The following TMEM87B variants were observed in gnomAD, a reference collection of about 807,000 sequenced individuals.
TMEM87B encodes transmembrane protein 87B.
In TMEM87B, 83 loss-of-function variants were observed where a neutral mutation model predicts 80.3. That is an observed-to-expected ratio of 1.03 (90% confidence interval 0.87 to 1.24). The LOEUF (loss-of-function observed/expected upper bound fraction) is 1.24. Ranked by LOEUF, TMEM87B falls within the 50% of genes most tolerant of loss-of-function variation. The probability of loss-of-function intolerance (pLI) is 0.00; values close to 1 mark genes in which losing one functional copy is unlikely to be tolerated. For synonymous variants in TMEM87B, 219 were observed against 230.5 expected (o/e 0.95, Z 0.45); for missense variants, 625 against 674.4 (o/e 0.93, Z 0.81).
At chr2:112,109,727 G>T (rs1573729942) in intron 17 of TMEM87B, among the ~76,000 whole-genome samples, 1 of 71,676 alleles carries the variant, frequency 1.4e-5, no homozygotes, top group South Asian at 5.5e-4. Context: ...TCAGATCCAT[G>T]TCCCATGGTC....
intron 2 of TMEM87B, among the ~76,000 whole-genome samples, chr2:112,060,753 C>T (rs1443883687): frequency 1.3e-5 from 2 of 151,916 alleles, no homozygotes; most frequent in African/African-American, 2.4e-5. Context: ...GCCAGGCTGG[C>T]CTCCAACTCT....
At chr2:112,077,645 C>T (rs1212933169) in intron 6 of TMEM87B, among the ~76,000 whole-genome samples, 1 of 152,080 alleles carries the variant, frequency 6.6e-6, no homozygotes, top group Non-Finnish European at 1.5e-5. Context: ...TTGAAAATGG[C>T]CATCATCAGG....
intron 11 of TMEM87B, among the ~76,000 whole-genome samples, chr2:112,096,753 A>G (rs1679479541): frequency 6.6e-6 from 1 of 152,254 alleles, no homozygotes; most frequent in Non-Finnish European, 1.5e-5. Context: ...GCACTGCTCT[A>G]TCCCGTGTTG....
At chr2:112,104,890 C>A (rs1231087475) in intron 15 of TMEM87B, among the ~76,000 whole-genome samples, 2 of 152,042 alleles carry the variant, frequency 1.3e-5, no homozygotes, top group Non-Finnish European at 2.9e-5. Context: ...TAAAAAGTAA[C>A]CAACACTCTA....
Position 112,087,581 on chromosome 2 carries a change from AC to A in TMEM87B, c.938+1478del, listed in dbSNP as rs1231259991. On this transcript the variant is annotated intron_variant, in intron 9 of 18. Coordinates refer to ENST00000283206, the MANE Select transcript of TMEM87B (RefSeq NM_032824.3). ...ACGGGCCACCCCTGCCTTTGTGCCC[AC>A]TCAACTGTGAGGGAAACTGTCCTAG... 2.0e-5 allele frequency among the ~76,000 whole-genome samples: 3 copies of A among 151,568 alleles called. No homozygotes were observed. The South Asian group carries it at 6.3e-4, about 32-fold the overall frequency.
Position 112,055,639 on chromosome 2 carries a change from C to G in TMEM87B, c.48C>G (p.Arg16=). Residue 16 remains arginine (R), a synonymous_variant, in exon 1 of 19, where the codon CGC becomes CGG. Transcript: ENST00000283206. ...TAGCCGGGCTCCTGCCACGCCGCCG[C>G]CGCTGCTTTCCCGCCCGGGCCCCGC... ...RSVAGLLPRR[R]RCFPARAPLL... The G allele has an allele frequency of 6.4e-7, 1 of 1,558,148 alleles. No individual in the cohort carries two copies. The highest frequency in any genetic ancestry group is 8.7e-7 in the Non-Finnish European group (1 of 1,154,482).
intron 4 of TMEM87B, among the ~76,000 whole-genome samples, chr2:112,068,978 G>A (rs1678530078): frequency 6.6e-6 from 1 of 151,258 alleles, no homozygotes; most frequent in Admixed American, 6.6e-5. Flanking sequence ...GGATCTTGAG[G>A]TCAGGAGATC....
At chr2:112,088,875 C>A (rs1451762024) in intron 9 of TMEM87B, among the ~76,000 whole-genome samples, 1 of 152,134 alleles carries the variant, frequency 6.6e-6, no homozygotes, top group African/African-American at 2.4e-5. Context: ...TCTCGTGCCT[C>A]AACCTCCCAA....
At position 112,067,402 on chromosome 2, in the gene TMEM87B, G is replaced by A. The variant is rs577834678; in HGVS notation, c.450+335G>A. ...GTGGGTGGATCACCTGTGGTCAGGA[G>A]TTTGAGACCAGCCTGGTGAAACCCC... On this transcript the variant is annotated intron_variant, in intron 4 of 18. Coordinates refer to ENST00000283206, the MANE Select transcript of TMEM87B (RefSeq NM_032824.3). Among the ~76,000 whole-genome samples the A allele has an allele frequency of 1.3e-5, 2 of 152,262 alleles. 1 individual carries two copies. Among genetic ancestry groups the A allele is most frequent in the South Asian group, 4.2e-4 (2 of 4,818 alleles).
In TMEM87B at chr2:112,067,043, T is replaced by C. The variant is rs1212682940; in HGVS notation, c.426T>C (p.Asp142=). Residue 142 remains aspartate (D), a synonymous_variant, in exon 4 of 19, where the codon GAT becomes GAC. Coordinates refer to ENST00000283206, the MANE Select transcript of TMEM87B (RefSeq NM_032824.3). Reference sequence around the variant, plus strand: ...ATGAAAACTTAGATTGCAACAGTGATTCACAGGTGTTTCCCTCTTTGAATG... The same window carrying C: ...ATGAAAACTTAGATTGCAACAGTGACTCACAGGTGTTTCCCTCTTTGAATG... The part of the protein sequence containing the change: ...TKNENLDCNS[D]SQVFPSLNNK... The C allele has an allele frequency of 1.2e-6, 2 of 1,610,354 alleles. No individual in the cohort carries two copies. Among genetic ancestry groups the C allele is most frequent in the Non-Finnish European group, 1.7e-6 (2 of 1,179,108 alleles).
At chr2:112,062,569 C>G (rs182100834) in intron 2 of TMEM87B, among the ~76,000 whole-genome samples, 7 of 152,200 alleles carry the variant, frequency 4.6e-5, no homozygotes, top group Non-Finnish European at 7.3e-5. Context: ...AGTTTAATCC[C>G]AGCCAAAATC....
intron 17 of TMEM87B, among the ~76,000 whole-genome samples, 156 bp from the exon 18 acceptor site, chr2:112,112,743 C>G (rs541720807): frequency 6.6e-6 from 1 of 152,350 alleles, no homozygotes; most frequent in African/African-American, 2.4e-5. Context: ...AAAACTCCTG[C>G]ATGTCTGTCT....
At chr2:112,056,140 A>G (rs1409373122) in intron 1 of TMEM87B, among the ~76,000 whole-genome samples, 1 of 152,112 alleles carries the variant, frequency 6.6e-6, no homozygotes, top group Non-Finnish European at 1.5e-5. Context: ...ATGCAGCCAC[A>G]GTGGGCCACA....
chr2:112,116,370 A>C lies in TMEM87B; in HGVS notation c.*227A>C. The C allele has an allele frequency of 2.1e-6, 1 of 465,428 alleles. No homozygotes were observed. Among genetic ancestry groups the C allele is most frequent in the Admixed American group, 3.7e-5 (1 of 27,238 alleles). 28.8% of individuals were successfully genotyped at this position (465,428 alleles called of 1,614,324 possible). On this transcript the variant is annotated 3_prime_UTR_variant, in exon 19 of 19. Coordinates refer to ENST00000283206, the MANE Select transcript of TMEM87B (RefSeq NM_032824.3). The stretch of plus-strand genomic sequence containing the variant: ...ATTGGATTTGGAAATAACCTGAGGA[A>C]AGTATTATGATAAAGATCTGCACAG...
chr2:112,105,128 A>AATAT (rs148664714), intron 15 of TMEM87B, among the ~76,000 whole-genome samples: 1 of 150,722 alleles, frequency 6.6e-6, no homozygotes, highest in Non-Finnish European at 1.5e-5. Flanking sequence ...TAAAATTTGT[A>AATAT]ATATATATAT....
intron 8 of TMEM87B, among the ~76,000 whole-genome samples, chr2:112,083,653 T>G (rs1262868673): frequency 6.6e-6 from 1 of 152,220 alleles, no homozygotes; most frequent in Non-Finnish European, 1.5e-5. Flanking sequence ...AGTGGGGCTG[T>G]GTAGAGGCTT....
At chr2:112,078,921 G>T (rs1458319905) in intron 6 of TMEM87B, among the ~76,000 whole-genome samples, 1 of 152,208 alleles carries the variant, frequency 6.6e-6, no homozygotes, top group East Asian at 1.9e-4. Flanking sequence ...TATATGATCA[G>T]ATTTGGCACA....
chr2:112,065,490 A>G (rs573140148), intron 3 of TMEM87B, among the ~76,000 whole-genome samples: 1 of 151,978 alleles, frequency 6.6e-6, no homozygotes, highest in Non-Finnish European at 1.5e-5. Flanking sequence ...ACAAAAAATT[A>G]AAAAATTAGC....
In TMEM87B at chr2:112,116,225, C is replaced by A; in HGVS notation, c.*82C>A. ...GAAAGTGAGCTTTGATTTGATATTG[C>A]CTAAAAATTTTTATTGTGTTATCTT... On this transcript the variant is annotated 3_prime_UTR_variant, in exon 19 of 19. Transcript: ENST00000283206. 1.6e-6 allele frequency: 2 copies of A among 1,255,108 alleles called. No homozygotes were observed. The highest frequency in any genetic ancestry group is 1.1e-6 in the Non-Finnish European group (1 of 896,878). 77.7% of individuals were successfully genotyped at this position (1,255,108 alleles called of 1,614,324 possible).
Sources: allele counts gnomAD v4.1 joint callset (sites outside exome capture counted in the v4.1 genomes callset), GRCh38; gene constraint gnomAD v4.1.1; transcripts MANE v1.5; gene names NCBI Gene and HGNC (gene_info 2026-07-23, HGNC 2026-07-21).